Variants in ZC3HAV1 observed in about 807,000 individuals in gnomAD.
The protein encoded by ZC3HAV1 is zinc finger CCCH-type containing, antiviral 1.
ZC3HAV1 carries 41 observed loss-of-function variants against 86.6 expected under a neutral mutation model. The ratio of observed to expected loss-of-function variants is 0.47; its 90% CI spans 0.37 to 0.61. The LOEUF is 0.61. ZC3HAV1 is among the 20% of genes least tolerant of loss of function. The probability of loss-of-function intolerance (pLI) is 0.00; values close to 1 mark genes in which losing one functional copy is unlikely to be tolerated. For missense variants in ZC3HAV1, 964 were observed against 1,141.1 expected, an observed-to-expected ratio of 0.84 and a Z score of 2.24; for synonymous variants, 421 against 432.1, an observed-to-expected ratio of 0.97 and a Z score of 0.32.
intron 1 of ZC3HAV1, among the ~76,000 whole-genome samples, chr7:139,096,103 C>T (rs912063719): frequency 3.9e-5 from 6 of 152,140 alleles, no homozygotes; most frequent in Admixed American, 1.3e-4. Flanking sequence ...CAACCTCCGC[C>T]TCCCGGGTTC....
At chr7:139,051,346 C>T (rs1048824759) in intron 12 of ZC3HAV1, among the ~76,000 whole-genome samples, 6 of 152,112 alleles carry the variant, frequency 3.9e-5, no homozygotes, top group South Asian at 2.1e-4. Flanking sequence ...GCGAAGCTGC[C>T]GCGCCTGACC....
chr7:139,084,686 T>G (rs1049100933), intron 2 of ZC3HAV1, among the ~76,000 whole-genome samples: 1 of 152,208 alleles, frequency 6.6e-6, no homozygotes, highest in African/African-American at 2.4e-5. Context: ...CTCCGTTTCC[T>G]TTGCTGTAAC....
At chr7:139,053,199 C>T (rs1400269639) in intron 12 of ZC3HAV1, among the ~76,000 whole-genome samples, 2 of 152,102 alleles carry the variant, frequency 1.3e-5, no homozygotes, top group African/African-American at 2.4e-5. Flanking sequence ...TTTACAAGCA[C>T]GTATGAAGAC....
chr7:139,093,851 G>C (rs1679960107), intron 1 of ZC3HAV1, among the ~76,000 whole-genome samples: 1 of 152,170 alleles, frequency 6.6e-6, no homozygotes. Context: ...TCAGCAGCAT[G>C]GGCCACGATC....
At position 139,047,518 on chromosome 7, in the gene ZC3HAV1, C is replaced by G. The variant is rs1395674734; in HGVS notation, c.*76G>C. The G allele has an allele frequency of 2.5e-6, 4 of 1,585,588 alleles. No homozygotes were observed. In the African/African-American group the frequency reaches 5.4e-5, roughly 22 times the overall value. On this transcript the variant is annotated 3_prime_UTR_variant, in exon 13 of 13. Coordinates refer to ENST00000242351, the MANE Select transcript of ZC3HAV1 (RefSeq NM_020119.4). Reference sequence around the variant, plus strand: ...TGAGCAGGAAAATATAAAACTTTAACTCCTGTCTGCGGCAATTTAGTTCTG... The same window carrying G: ...TGAGCAGGAAAATATAAAACTTTAAGTCCTGTCTGCGGCAATTTAGTTCTG...
intron 12 of ZC3HAV1, among the ~76,000 whole-genome samples, chr7:139,048,558 A>G (rs1294377511): frequency 6.6e-6 from 1 of 152,090 alleles, no homozygotes; most frequent in Non-Finnish European, 1.5e-5. Context: ...AGCTAGGATC[A>G]TACCACTGCA....
At chr7:139,079,426 A>G in intron 4 of ZC3HAV1, 44 bp downstream of exon 4, 1 of 1,613,930 alleles carries the variant, frequency 6.2e-7, no homozygotes, top group Non-Finnish European at 8.5e-7. Context: ...TTGGTATATC[A>G]TGAACAAATG....
chr7:139,061,169 A>T, intron 8 of ZC3HAV1, 31 bp from the exon 9 acceptor site: 1 of 1,600,034 alleles, frequency 6.2e-7, no homozygotes, highest in South Asian at 1.1e-5. Context: ...AAAAGCAGTG[A>T]GAATCAAGAT....
chr7:139,100,858 C>G (rs1015801219), intron 1 of ZC3HAV1, among the ~76,000 whole-genome samples: 2 of 151,448 alleles, frequency 1.3e-5, no homozygotes, highest in African/African-American at 4.9e-5. Context: ...CGGTCTCCCT[C>G]TCCCTCTCTT....
intron 1 of ZC3HAV1, among the ~76,000 whole-genome samples, chr7:139,105,686 A>G (rs749764807): frequency 6.6e-6 from 1 of 152,232 alleles, no homozygotes; most frequent in Non-Finnish European, 1.5e-5. Context: ...CACCCAGCAC[A>G]ATGCAAATCG....
chr7:139,106,558 G>A (rs1817941639), intron 1 of ZC3HAV1, among the ~76,000 whole-genome samples: 1 of 152,166 alleles, frequency 6.6e-6, no homozygotes, highest in Admixed American at 6.5e-5. Context: ...AGTTTGCAGT[G>A]AGCTGAGATC....
intron 2 of ZC3HAV1, among the ~76,000 whole-genome samples, chr7:139,088,250 A>T (rs1817331614): frequency 6.6e-6 from 1 of 152,030 alleles, no homozygotes; most frequent in East Asian, 1.9e-4. Flanking sequence ...AGTGGATGAA[A>T]CTGTTAATTA....
chr7:139,070,663 CAA>C (rs765065216), intron 7 of ZC3HAV1, among the ~76,000 whole-genome samples: 2 of 54,434 alleles, frequency 3.7e-5, no homozygotes, highest in Non-Finnish European at 3.8e-5. Flanking sequence ...GACTCCGTCT[CAA>C]AAAAAAAAAA....
chr7:139,063,744 A>T (rs1470898932), intron 8 of ZC3HAV1, among the ~76,000 whole-genome samples: 2 of 150,918 alleles, frequency 1.3e-5, no homozygotes, highest in Middle Eastern at 3.2e-3. Flanking sequence ...AAAAAAAAAA[A>T]AAGTGTTCTG....
At chr7:139,091,896 C>A (rs375566704) in intron 1 of ZC3HAV1, among the ~76,000 whole-genome samples, 1 of 152,180 alleles carries the variant, frequency 6.6e-6, no homozygotes, top group South Asian at 2.1e-4. Context: ...AGAGAAAACG[C>A]CACACTTCGA....
Position 139,073,993 on chromosome 7 carries a change from T to C in ZC3HAV1, c.1735A>G (p.Met579Val). The stretch of plus-strand genomic sequence containing the variant: ...CGGATGGGAAAGGAATCACAACTCA[T>C]TACCCGAAAATTGATTGTATAACTT... Reference protein sequence around the residue: ...VGSYTINFRVMSCDSFPIRRL... With the variant: ...VGSYTINFRVVSCDSFPIRRL... The change falls in exon 7 of 13, where the codon ATG (methionine) becomes GTG (valine). Residue 579 changes from methionine (M) to valine (V), a missense_variant. Coordinates refer to ENST00000242351, the MANE Select transcript of ZC3HAV1 (RefSeq NM_020119.4). 1 of 1,613,498 alleles carries C rather than the reference T, an allele frequency of 6.2e-7. No homozygotes were observed. Among genetic ancestry groups the C allele is most frequent in the Non-Finnish European group, 8.5e-7 (1 of 1,179,596 alleles).
At chr7:139,107,352 C>G (rs1205801809) in intron 1 of ZC3HAV1, among the ~76,000 whole-genome samples, 1 of 152,192 alleles carries the variant, frequency 6.6e-6, no homozygotes, top group African/African-American at 2.4e-5. Context: ...TTTTTAAAAA[C>G]GTTAGAGTGA....
At position 139,076,932 on chromosome 7, in the gene ZC3HAV1, A is replaced by T. The variant is rs970430014; in HGVS notation, c.1574-523T>A. 4.0e-5 allele frequency among the ~76,000 whole-genome samples: 6 copies of T among 151,724 alleles called. No homozygotes were observed. The East Asian group carries it at 1.2e-3, about 29-fold the overall frequency. ...AAAGAAAAGGAAACAAAAATTCCCC[A>T]CTGCCCCCAAAGTCACTCCACCCAG... On this transcript the variant is annotated intron_variant, in intron 5 of 12. Coordinates refer to ENST00000242351, the MANE Select transcript of ZC3HAV1 (RefSeq NM_020119.4).
chr7:139,097,428 A>ATTTTTTTTTTTTTTTTTTTTTTTTTTTT (rs11291842), intron 1 of ZC3HAV1, among the ~76,000 whole-genome samples: 1 of 48,160 alleles, frequency 2.1e-5, no homozygotes, highest in Non-Finnish European at 3.3e-5. Flanking sequence ...ATATATATAT[A>ATTTTTTTTTTTTTTTTTTTTTTTTTTTT]TTTTTTTTTT....
Sources: allele counts gnomAD v4.1 joint callset (sites outside exome capture counted in the v4.1 genomes callset), GRCh38; gene constraint gnomAD v4.1.1; transcripts MANE v1.5; gene names NCBI Gene and HGNC (gene_info 2026-07-23, HGNC 2026-07-21).